Variants in ZNF395 observed in about 807,000 individuals in gnomAD.
ZNF395 encodes the protein zinc finger protein 395, also known as HD gene regulatory region-binding protein 2.
A neutral mutation model predicts 57.7 loss-of-function variants in ZNF395; 20 were observed. The observed-to-expected ratio is 0.35, with a 90% CI of 0.24 to 0.50. ZNF395 has a LOEUF of 0.50. Ranked by LOEUF, ZNF395 falls within the 20% of genes least tolerant of loss-of-function variation. The pLI is 0.97. For missense variants in ZNF395, 606 were observed against 671.2 expected, an observed-to-expected ratio of 0.90 and a Z score of 1.07; for synonymous variants, 295 against 275.9, an observed-to-expected ratio of 1.07 and a Z score of -0.69.
At chr8:28,363,556 G>T (rs934690329) in intron 1 of ZNF395, among the ~76,000 whole-genome samples, 1 of 152,118 alleles carries the variant, frequency 6.6e-6, no homozygotes, top group African/African-American at 2.4e-5. Flanking sequence ...AGGTGAAGTC[G>T]CAATGCCATG....
chr8:28,347,436 C>T lies in ZNF395; in HGVS notation c.*1283G>A, dbSNP rs1388922180. The T allele has an allele frequency of 2.6e-5, 4 of 152,266 alleles. No individual in the cohort carries two copies. Among genetic ancestry groups the T allele is most frequent in the African/African-American group, 4.8e-5 (2 of 41,452 alleles). The allele number at this position is 152,266 out of a possible 1,614,324, so 9.4% of individuals were successfully genotyped here. Reference sequence around the variant, plus strand: ...CCGGGCGTGGCTCACTCTGTCTTCGCGCAGGGCTGGTTGGCATGGTGCTAC... The same window carrying T: ...CCGGGCGTGGCTCACTCTGTCTTCGTGCAGGGCTGGTTGGCATGGTGCTAC... On this transcript the variant is annotated 3_prime_UTR_variant, in exon 10 of 10. Coordinates refer to ENST00000344423, the MANE Select transcript of ZNF395 (RefSeq NM_018660.3).
chr8:28,381,330 C>T (rs1010065252), intron 1 of ZNF395, among the ~76,000 whole-genome samples: 3 of 151,972 alleles, frequency 2.0e-5, no homozygotes, highest in African/African-American at 7.3e-5. Flanking sequence ...CGTGAGCCAC[C>T]GCGCCCAGCC....
At chr8:28,353,029 C>T (rs1199448042) in intron 5 of ZNF395, 144 bp downstream of exon 5, 1 of 709,898 alleles carries the variant, frequency 1.4e-6, no homozygotes, top group Non-Finnish European at 2.4e-6. Flanking sequence ...CACCAGGTAA[C>T]AGAAGCAGCA....
At chr8:28,384,946 C>G (rs1049817006) in intron 1 of ZNF395, 1 of 152,288 alleles carries the variant, frequency 6.6e-6, no homozygotes, top group Admixed American at 6.5e-5. Flanking sequence ...CAGCAGCTCC[C>G]TGACAGGACC....
At chr8:28,370,705 C>T (rs935174097) in intron 1 of ZNF395, among the ~76,000 whole-genome samples, 2 of 152,140 alleles carry the variant, frequency 1.3e-5, no homozygotes, top group Non-Finnish European at 2.9e-5. Context: ...AAATCAGCAC[C>T]GGGTGCTGGT....
At chr8:28,365,751 A>G (rs1801902806) in intron 1 of ZNF395, among the ~76,000 whole-genome samples, 1 of 152,182 alleles carries the variant, frequency 6.6e-6, no homozygotes, top group Non-Finnish European at 1.5e-5. Context: ...TCCATGTCCA[A>G]AAGGAGTTAG....
rs541754540 is a variant in ZNF395, at chr8:28,352,513, G to C, written c.920+60C>G. On this transcript the variant is annotated intron_variant, in intron 6 of 9. Coordinates refer to ENST00000344423, the MANE Select transcript of ZNF395 (RefSeq NM_018660.3). The surrounding 1 kb of genome is among the most constrained non-coding windows in gnomAD (Gnocchi z 4.0). Reference sequence around the variant, plus strand: ...TGTGGGCTGTGGGTCACAGGGACTCGGCAGGGTGGAGGGACACCCACACGC... The same window carrying C: ...TGTGGGCTGTGGGTCACAGGGACTCCGCAGGGTGGAGGGACACCCACACGC... The C allele has an allele frequency of 2.7e-6, 4 of 1,482,248 alleles. No individual in the cohort carries two copies. The highest frequency in any genetic ancestry group is 1.7e-5 in the Admixed American group (1 of 59,168). 91.8% of individuals were successfully genotyped at this position (1,482,248 alleles called of 1,614,324 possible). A position where few individuals can be genotyped will look rare whatever the true frequency, so the allele number is the denominator to read the frequency against.
intron 1 of ZNF395, among the ~76,000 whole-genome samples, chr8:28,372,135 T>C (rs1801984401): frequency 6.6e-6 from 1 of 152,150 alleles, no homozygotes; most frequent in African/African-American, 2.4e-5. Context: ...TTTCCTCACG[T>C]GCAAAATGAG....
intron 1 of ZNF395, among the ~76,000 whole-genome samples, chr8:28,379,706 G>A (rs1215858157): frequency 6.6e-6 from 1 of 151,996 alleles, no homozygotes; most frequent in Non-Finnish European, 1.5e-5. Context: ...ACAGCGAGCA[G>A]GCACTCAAGA....
chr8:28,355,264 G>A (rs1020225218), intron 4 of ZNF395, among the ~76,000 whole-genome samples: 2 of 152,040 alleles, frequency 1.3e-5, no homozygotes, highest in Admixed American at 6.5e-5. Context: ...AGAAACCAAA[G>A]GGACTATGTG....
chr8:28,368,664 C>CA (rs1801940472), intron 1 of ZNF395: 1 of 138,482 alleles, frequency 7.2e-6, no homozygotes, highest in African/African-American at 2.7e-5. Flanking sequence ...CAAAAGCTGC[C>CA]AATTAAAAAA....
At chr8:28,365,869 CT>C (rs1177880605) in intron 1 of ZNF395, among the ~76,000 whole-genome samples, 4 of 152,232 alleles carry the variant, frequency 2.6e-5, no homozygotes, top group African/African-American at 9.6e-5. Flanking sequence ...AACAAACTCT[CT>C]CTGTGGTTCG....
intron 1 of ZNF395, among the ~76,000 whole-genome samples, chr8:28,366,275 G>A (rs1293280942): frequency 1.3e-5 from 2 of 152,092 alleles, no homozygotes; most frequent in South Asian, 2.1e-4. Context: ...TATCTCCACC[G>A]GGTATCACTG....
chr8:28,380,603 A>C (rs1802097264), intron 1 of ZNF395, among the ~76,000 whole-genome samples: 2 of 152,242 alleles, frequency 1.3e-5, no homozygotes. Flanking sequence ...AACACCATCC[A>C]GCCCACGTCT....
chr8:28,346,741 C>T lies in ZNF395; in HGVS notation c.*1978G>A, dbSNP rs748130610. On this transcript the variant is annotated 3_prime_UTR_variant, in exon 10 of 10. Transcript: ENST00000344423. ...GGGGAGGCCCTCCTGAGCGAAGTTC[C>T]CATGTGTCAAGAACGTGCCCTCCCC... 1 of 151,794 alleles carries T rather than the reference C, an allele frequency of 6.6e-6. No individual in the cohort carries two copies. Among genetic ancestry groups the T allele is most frequent in the Non-Finnish European group, 1.5e-5 (1 of 67,956 alleles). 9.4% of individuals were successfully genotyped at this position (151,794 alleles called of 1,614,324 possible).
chr8:28,358,810 T>C (rs1366895332), intron 3 of ZNF395, among the ~76,000 whole-genome samples: 2 of 152,190 alleles, frequency 1.3e-5, no homozygotes, highest in Admixed American at 6.5e-5. Context: ...TGAGGGTCCA[T>C]GAATGAGGTT....
intron 2 of ZNF395, 107 bp downstream of exon 2, chr8:28,360,778 C>T (rs557079122): frequency 1.4e-4 from 203 of 1,483,760 alleles, no homozygotes; most frequent in Admixed American, 1.2e-3. Flanking sequence ...CAAAGGTCTG[C>T]ACTCAAAACG....
chr8:28,355,747 C>T (rs1421858705), intron 4 of ZNF395, among the ~76,000 whole-genome samples: 1 of 152,216 alleles, frequency 6.6e-6, no homozygotes, highest in South Asian at 2.1e-4. Context: ...AGCTAGGTGT[C>T]CTCATAATGC....
chr8:28,360,992 G>A lies in ZNF395; in HGVS notation c.133C>T (p.Pro45Ser). The A allele has an allele frequency of 1.2e-6, 2 of 1,612,102 alleles. No homozygotes were observed. Among genetic ancestry groups the A allele is most frequent in the Non-Finnish European group, 1.7e-6 (2 of 1,178,976 alleles). The change falls in exon 2 of 10, where the codon CCT becomes TCT. Residue 45 changes from proline (P) to serine (S), a missense_variant. By Grantham distance (74) the Pro-to-Ser change is moderately conservative. Transcript: ENST00000344423. ...EPLLEGAAPQ[P>S]FTTSDDTPCQ... Reference sequence around the variant, plus strand: ...GGGGTGTCATCAGAGGTGGTGAAAGGCTGGGGAGCGGCCCCTTCTAGCAGT... The same window carrying A: ...GGGGTGTCATCAGAGGTGGTGAAAGACTGGGGAGCGGCCCCTTCTAGCAGT...
Sources: allele counts gnomAD v4.1 joint callset (sites outside exome capture counted in the v4.1 genomes callset), GRCh38; gene constraint gnomAD v4.1.1; non-coding constraint Gnocchi (gnomAD v3.1); transcripts MANE v1.5; gene names NCBI Gene and HGNC (gene_info 2026-07-23, HGNC 2026-07-21).